Variants in SPRED2 observed in about 807,000 individuals in gnomAD.
SPRED2 encodes the protein sprouty-related, EVH1 domain-containing protein 2.
A neutral mutation model predicts 43.0 loss-of-function variants in SPRED2; 47 were observed. That is an observed-to-expected ratio of 1.09 (90% CI 0.87 to 1.40). SPRED2 has a LOEUF of 1.40. Ranked by LOEUF, SPRED2 falls within the 40% of genes most tolerant of loss-of-function variation. SPRED2 has a pLI of 0.00. For missense variants in SPRED2, 561 were observed against 586.4 expected (o/e 0.96, Z 0.45); for synonymous variants, 225 against 225.7 (o/e 1.00, Z 0.03).
intron 1 of SPRED2, among the ~76,000 whole-genome samples, chr2:65,388,305 TCTC>T (rs1675549502): frequency 6.6e-6 from 1 of 152,152 alleles, no homozygotes; most frequent in Non-Finnish European, 1.5e-5. Context: ...AGATCGCGTG[TCTC>T]CTATTAGGGG....
intron 1 of SPRED2, among the ~76,000 whole-genome samples, chr2:65,394,467 G>A (rs1675707843): frequency 1.3e-5 from 2 of 152,204 alleles, no homozygotes; most frequent in Non-Finnish European, 2.9e-5. Context: ...CAAAAACTGA[G>A]AATGAGAAAG....
At position 65,312,365 on chromosome 2, in the gene SPRED2, A is replaced by C. The variant is rs1673093134; in HGVS notation, c.*1136T>G. ...GAGTCCAAAATGAAACGAAAACATA[A>C]ACCCATGAAGAAAATGCAACCCACC... On this transcript the variant is annotated 3_prime_UTR_variant, in exon 6 of 6. Coordinates refer to ENST00000356388, the MANE Select transcript of SPRED2 (RefSeq NM_181784.3). The C allele has an allele frequency of 1.0e-6, 1 of 985,298 alleles. No homozygotes were observed. The highest frequency in any genetic ancestry group is 1.2e-6 in the Non-Finnish European group (1 of 829,934). 61.0% of individuals were successfully genotyped at this position (985,298 alleles called of 1,614,324 possible).
intron 1 of SPRED2, among the ~76,000 whole-genome samples, chr2:65,395,150 G>A (rs186755393): frequency 1.1e-4 from 17 of 152,164 alleles, no homozygotes; most frequent in East Asian, 5.8e-4. Context: ...ACTGGGCCTC[G>A]GATCTAAGTG....
intron 1 of SPRED2, among the ~76,000 whole-genome samples, chr2:65,382,985 C>T (rs1420421365): frequency 3.3e-5 from 5 of 152,178 alleles, no homozygotes; most frequent in Admixed American, 6.5e-5. Context: ...CCTCGGAAGG[C>T]CTCAGTAAAA....
In SPRED2 at chr2:65,312,644, A is replaced by T. The variant is rs992407486; in HGVS notation, c.*857T>A. The T allele has an allele frequency of 7.1e-6, 7 of 985,752 alleles. No homozygotes were observed. The highest frequency in any genetic ancestry group is 1.1e-4 in the East Asian group (1 of 8,836). 61.1% of individuals were successfully genotyped at this position (985,752 alleles called of 1,614,324 possible). A position where few individuals can be genotyped will look rare whatever the true frequency, so the allele number is the denominator to read the frequency against. On this transcript the variant is annotated 3_prime_UTR_variant, in exon 6 of 6. Coordinates refer to ENST00000356388, the MANE Select transcript of SPRED2 (RefSeq NM_181784.3). ...TTTAGAAGTGGTGGCAACACAATTT[A>T]AAAAATGTTCTACTTTAGGGGTAAT...
At chr2:65,366,489 T>G (rs1674982037) in intron 1 of SPRED2, 1 of 1,255,230 alleles carries the variant, frequency 8.0e-7, no homozygotes, top group African/African-American at 1.5e-5. Flanking sequence ...ACAACTAGGA[T>G]AAATTTTCTC....
chr2:65,395,196 C>T (rs763015219), intron 1 of SPRED2, among the ~76,000 whole-genome samples: 10 of 152,114 alleles, frequency 6.6e-5, no homozygotes, highest in African/African-American at 9.7e-5. Flanking sequence ...TCCGTGGCCC[C>T]GGCTCCTGGC....
chr2:65,363,570 AATGACC>A (rs1482880486), intron 1 of SPRED2, among the ~76,000 whole-genome samples: 1 of 152,232 alleles, frequency 6.6e-6, no homozygotes, highest in Non-Finnish European at 1.5e-5. Context: ...AGTATGGCAG[AATGACC>A]ATAAACTCCA....
chr2:65,432,155 TA>T lies in SPRED2; in HGVS notation c.-169del. The T allele has an allele frequency of 1.2e-6, 1 of 828,754 alleles. No individual in the cohort carries two copies. Among genetic ancestry groups the T allele is most frequent in the Non-Finnish European group, 1.9e-6 (1 of 516,412 alleles). The allele number at this position is 828,754 out of a possible 1,614,324, so 51.3% of individuals were successfully genotyped here. ...GCAGAAGGGGAAGCAGGGCGCGGGA[TA>T]GGGTTTGGGGGAAGGGGTGCAAAGG... On this transcript the variant is annotated 5_prime_UTR_variant, in exon 1 of 6. Transcript: ENST00000356388.
Position 65,313,247 on chromosome 2 carries a change from GA to G in SPRED2, c.*253del. The G allele has an allele frequency of 7.8e-7, 1 of 1,281,310 alleles. No homozygotes were observed. The highest frequency in any genetic ancestry group is 9.8e-7 in the Non-Finnish European group (1 of 1,015,374). 79.4% of individuals were successfully genotyped at this position (1,281,310 alleles called of 1,614,324 possible). A position where few individuals can be genotyped will look rare whatever the true frequency, so the allele number is the denominator to read the frequency against. On this transcript the variant is annotated 3_prime_UTR_variant, in exon 6 of 6. Transcript: ENST00000356388. Reference sequence around the variant, plus strand: ...TGTTAATAGTACAGGAGTCTGTGGCGAAGGTTCCTTCCTCAGAACACTGTGC... The same window carrying G: ...TGTTAATAGTACAGGAGTCTGTGGCGAGGTTCCTTCCTCAGAACACTGTGC...
At chr2:65,386,643 C>G (rs901095662) in intron 1 of SPRED2, among the ~76,000 whole-genome samples, 9 of 152,188 alleles carry the variant, frequency 5.9e-5, no homozygotes, top group African/African-American at 2.2e-4. Flanking sequence ...TTCATCCTTA[C>G]AGTATGGCTT....
chr2:65,367,110 T>G (rs532761399), intron 1 of SPRED2, among the ~76,000 whole-genome samples: 1 of 152,274 alleles, frequency 6.6e-6, no homozygotes, highest in South Asian at 2.1e-4. Flanking sequence ...ATCAGCTGAA[T>G]TCGTGTAGGC....
intron 2 of SPRED2, among the ~76,000 whole-genome samples, chr2:65,342,101 TAACA>T (rs1265314104): frequency 1.3e-5 from 2 of 150,850 alleles, no homozygotes; most frequent in Non-Finnish European, 3.0e-5. Context: ...TATAACTGTT[TAACA>T]AACAGAAAAA....
chr2:65,315,517 G>A (rs1673206920), intron 5 of SPRED2, among the ~76,000 whole-genome samples: 1 of 152,156 alleles, frequency 6.6e-6, no homozygotes, highest in Non-Finnish European at 1.5e-5. Flanking sequence ...TGGTATCAGA[G>A]TTGCCTAGAT....
intron 1 of SPRED2, among the ~76,000 whole-genome samples, chr2:65,412,229 G>A (rs1338311109): frequency 1.3e-5 from 2 of 152,168 alleles, no homozygotes; most frequent in African/African-American, 4.8e-5. Flanking sequence ...GTAGGCAGAG[G>A]AATCACCTGG....
intron 1 of SPRED2, among the ~76,000 whole-genome samples, chr2:65,405,275 A>G (rs185568589): frequency 6.6e-6 from 1 of 152,342 alleles, no homozygotes; most frequent in Admixed American, 6.5e-5. Flanking sequence ...GAGATGACAT[A>G]GTCATTGAGG....
chr2:65,364,947 G>T (rs1015590979), intron 1 of SPRED2, among the ~76,000 whole-genome samples: 1 of 152,180 alleles, frequency 6.6e-6, no homozygotes, highest in African/African-American at 2.4e-5. Flanking sequence ...TTTACTATAA[G>T]ATGGCAAAAT....
intron 1 of SPRED2, among the ~76,000 whole-genome samples, chr2:65,364,950 G>T (rs151187858): frequency 2.9e-4 from 44 of 152,250 alleles, no homozygotes; most frequent in African/African-American, 8.9e-4. Context: ...ACTATAAGAT[G>T]GCAAAATATG....
chr2:65,423,757 G>A (rs1301794976), intron 1 of SPRED2, among the ~76,000 whole-genome samples: 1 of 144,066 alleles, frequency 6.9e-6, no homozygotes, highest in Non-Finnish European at 1.5e-5. Flanking sequence ...TTTTACCAAG[G>A]CTACCTCATT....
Sources: allele counts gnomAD v4.1 joint callset (sites outside exome capture counted in the v4.1 genomes callset), GRCh38; gene constraint gnomAD v4.1.1; transcripts MANE v1.5; gene names NCBI Gene and HGNC (gene_info 2026-07-23, HGNC 2026-07-21).